FAM228B: variants seen among roughly 807,000 people sequenced by gnomAD.
FAM228B encodes the protein protein FAM228B.
FAM228B carries 38 observed loss-of-function variants against 42.6 expected under a neutral mutation model. The observed-to-expected ratio is 0.89, with a 90% CI of 0.69 to 1.17. The LOEUF (loss-of-function observed/expected upper bound fraction) is 1.17, where lower values mean the gene tolerates loss of function less well. Ranked by LOEUF, FAM228B falls within the 50% of genes most tolerant of loss-of-function variation. The pLI is 0.00. For synonymous variants in FAM228B, 109 were observed against 122.3 expected, an observed-to-expected ratio of 0.89 and a Z score of 0.72; for missense variants, 344 against 367.3, an observed-to-expected ratio of 0.94 and a Z score of 0.52.
At chr2:24,100,302 A>G (rs932027328) in intron 3 of FAM228B, among the ~76,000 whole-genome samples, 1 of 152,238 alleles carries the variant, frequency 6.6e-6, no homozygotes, top group Non-Finnish European at 1.5e-5. Context: ...TCTGCATGGC[A>G]AAAGAAACTA....
chr2:24,163,098 A>G (rs1233886993), intron 8 of FAM228B, among the ~76,000 whole-genome samples: 1 of 152,216 alleles, frequency 6.6e-6, no homozygotes, highest in Non-Finnish European at 1.5e-5. Context: ...GTTCATAATA[A>G]TAATAAAAAA....
intron 7 of FAM228B, among the ~76,000 whole-genome samples, chr2:24,147,510 A>G (rs989819792): frequency 1.4e-4 from 22 of 152,066 alleles, no homozygotes; most frequent in Middle Eastern, 3.4e-3. Flanking sequence ...TGAGACTCCA[A>G]TTATATGTAT....
intron 7 of FAM228B, among the ~76,000 whole-genome samples, chr2:24,149,995 A>C (rs1238269339): frequency 6.6e-6 from 1 of 152,232 alleles, no homozygotes; most frequent in Non-Finnish European, 1.5e-5. Context: ...TGAAAACTTT[A>C]AACTTTGTCT....
chr2:24,106,821 A>C (rs1229382819), intron 3 of FAM228B, among the ~76,000 whole-genome samples: 1 of 152,194 alleles, frequency 6.6e-6, no homozygotes, highest in Non-Finnish European at 1.5e-5. Context: ...TAGCCATTAC[A>C]AAAACACACT....
At chr2:24,140,148 G>C (rs888683832) in intron 5 of FAM228B, among the ~76,000 whole-genome samples, 2 of 152,126 alleles carry the variant, frequency 1.3e-5, no homozygotes, top group Admixed American at 6.6e-5. Context: ...TCACCCAGCT[G>C]TAAATAGCAG....
At chr2:24,167,791 AAAT>A in intron 10 of FAM228B, 108 bp downstream of exon 10, 4 of 1,299,236 alleles carry the variant, frequency 3.1e-6, no homozygotes, top group Non-Finnish European at 4.3e-6. Context: ...GAGGAAAGAG[AAAT>A]AATGGGTGGG....
At chr2:24,153,128 G>A (rs1012524781) in intron 7 of FAM228B, among the ~76,000 whole-genome samples, 6 of 152,164 alleles carry the variant, frequency 3.9e-5, no homozygotes, top group Non-Finnish European at 7.4e-5. Flanking sequence ...CCAGAAATGC[G>A]GTCCAAGAGC....
chr2:24,152,522 GCA>G (rs900434618), intron 7 of FAM228B, among the ~76,000 whole-genome samples: 1 of 152,202 alleles, frequency 6.6e-6, no homozygotes, highest in Non-Finnish European at 1.5e-5. Context: ...TGTGGTTTTT[GCA>G]GACTCATAGA....
intron 5 of FAM228B, among the ~76,000 whole-genome samples, chr2:24,141,621 G>T (rs570166048): frequency 6.6e-6 from 1 of 151,304 alleles, no homozygotes; most frequent in South Asian, 2.1e-4. Flanking sequence ...CTCGTGATCC[G>T]CCCGCCTTGG....
intron 7 of FAM228B, among the ~76,000 whole-genome samples, chr2:24,155,144 A>G (rs1487084555): frequency 6.6e-6 from 1 of 152,128 alleles, no homozygotes; most frequent in Non-Finnish European, 1.5e-5. Context: ...ATAGTGAGCA[A>G]TTAATGGGCA....
At chr2:24,119,179 C>T (rs181353292), upstream of FAM228B, among the ~76,000 whole-genome samples, 3 of 152,100 alleles carry the variant, frequency 2.0e-5, no homozygotes, top group Admixed American at 1.3e-4. Flanking sequence ...CTGTCTCCCC[C>T]CTCCCCTATC....
At chr2:24,167,308 C>T (rs1558398021) in intron 9 of FAM228B, among the ~76,000 whole-genome samples, 4 of 152,120 alleles carry the variant, frequency 2.6e-5, no homozygotes, top group South Asian at 2.1e-4. Flanking sequence ...GATTGTGGTT[C>T]TAGTCACTGA....
chr2:24,090,351 G>A (rs937371066), intron 2 of FAM228B, among the ~76,000 whole-genome samples: 2 of 151,992 alleles, frequency 1.3e-5, no homozygotes, highest in Admixed American at 6.6e-5. Context: ...AGAGGCCAAG[G>A]GGGGAGCAGA....
chr2:24,083,118 C>A, intron 2 of FAM228B: 1 of 1,613,510 alleles, frequency 6.2e-7, no homozygotes, highest in Non-Finnish European at 8.5e-7. Context: ...CAAAATGTTG[C>A]TGGCTCCTGG....
chr2:24,137,907 A>G lies in FAM228B; in HGVS notation c.169-2A>G. The G allele has an allele frequency of 2.7e-6, 4 of 1,508,576 alleles. No individual in the cohort carries two copies. The highest frequency in any genetic ancestry group is 3.5e-6 in the Non-Finnish European group (4 of 1,133,106). 93.4% of individuals were successfully genotyped at this position (1,508,576 alleles called of 1,614,324 possible). A position where few individuals can be genotyped will look rare whatever the true frequency, so the allele number is the denominator to read the frequency against. On this transcript the variant is annotated splice_acceptor_variant, in intron 3 of 10. Coordinates refer to ENST00000615575, the MANE Select transcript of FAM228B (RefSeq NM_001145710.2). LOFTEE classifies it high-confidence loss of function. ...TTTGTCTTTTCTACCACTGTTTACT[A>G]GGAACTAGATAAGTATTTACAACAT... is the stretch of plus-strand genomic sequence containing the variant.
At position 24,083,041 on chromosome 2, in the gene FAM228B, C is replaced by T. The variant is rs201917137; in HGVS notation, c.-210+2086C>T. On this transcript the variant is annotated intron_variant, in intron 2 of 10. Coordinates refer to the FAM228B transcript ENST00000613899. Reference sequence around the variant, plus strand: ...CCGGGGAGCAGAGCCATGGCTGTGTCCCCGATCTTCCAGTGTCCCTGGCAG... The same window carrying T: ...CCGGGGAGCAGAGCCATGGCTGTGTTCCCGATCTTCCAGTGTCCCTGGCAG... The T allele has an allele frequency of 1.6e-4, 255 of 1,614,088 alleles. No individual in the cohort carries two copies. Among genetic ancestry groups the T allele is most frequent in the Non-Finnish European group, 1.1e-4 (131 of 1,180,042 alleles).
chr2:24,135,802 TG>T (rs1253016421), intron 3 of FAM228B, among the ~76,000 whole-genome samples: 42 of 152,148 alleles, frequency 2.8e-4, no homozygotes, highest in Non-Finnish European at 2.2e-4. Flanking sequence ...AGTAGTCACA[TG>T]ACTTTATTTG....
intron 3 of FAM228B, chr2:24,115,591 C>CT (rs763122067): frequency 1.9e-6 from 3 of 1,612,068 alleles, no homozygotes; most frequent in African/African-American, 2.7e-5. Context: ...ACTTAACTTC[C>CT]TTTTTTTCTT....
rs2150993449 is a variant in FAM228B at position 24,095,127 on chromosome 2, C to T, written c.-209-14C>T. The stretch of plus-strand genomic sequence containing the variant: ...AATCATCCACTAAGAAAGACCCAAA[C>T]TCTTCTTTAACAGTTAAAAGTTTAA... On this transcript the variant is annotated splice_polypyrimidine_tract_variant and intron_variant, in intron 2 of 10. Transcript: ENST00000613899. This position sits in a 1 kb window ranked among gnomAD's most constrained non-coding sequence, Gnocchi z 4.8. 1 of 152,326 alleles carries T rather than the reference C, an allele frequency of 6.6e-6. No individual in the cohort carries two copies. Among genetic ancestry groups the T allele is most frequent in the South Asian group, 2.1e-4 (1 of 4,822 alleles). 9.4% of individuals were successfully genotyped at this position (152,326 alleles called of 1,614,324 possible). A position where few individuals can be genotyped will look rare whatever the true frequency, so the allele number is the denominator to read the frequency against.
Sources: allele counts gnomAD v4.1 joint callset (sites outside exome capture counted in the v4.1 genomes callset), GRCh38; gene constraint gnomAD v4.1.1; non-coding constraint Gnocchi (gnomAD v3.1); transcripts MANE v1.5; gene names NCBI Gene and HGNC (gene_info 2026-07-23, HGNC 2026-07-21).